The following ONECUT3 variants were observed in gnomAD, a reference collection of about 807,000 sequenced individuals.
ONECUT3 encodes the protein one cut homeobox 3.
In ONECUT3, 11 loss-of-function variants were observed where a neutral mutation model predicts 16.8. The observed-to-expected ratio is 0.66, with a 90% confidence interval of 0.41 to 1.09. The LOEUF is 1.09. ONECUT3 is among the 50% of genes least tolerant of loss of function. ONECUT3 has a pLI of 0.00. For synonymous variants in ONECUT3, 344 were observed against 310.7 expected (o/e 1.11, Z -1.13); for missense variants, 637 against 629.9 (o/e 1.01, Z -0.12).
In ONECUT3 at chr19:1,754,242, G is replaced by T; in HGVS notation, c.580G>T (p.Ala194Ser). The change falls in exon 1 of 2, where the codon GCC becomes TCC. Residue 194 changes from alanine (A) to serine (S), a missense_variant. Transcript: ENST00000382349. This position sits in a 1 kb window ranked among gnomAD's most constrained non-coding sequence, Gnocchi z 7.4. The stretch of plus-strand genomic sequence containing the variant: ...CGGACCCTACGGCAAGGAGCTGCCC[G>T]CCATGGGGTCGCCGCTGTCGCCGCT... ...LYGPYGKELPAMGSPLSPLPN... is the reference protein window; with the variant it reads ...LYGPYGKELPSMGSPLSPLPN... 2 of 1,074,690 alleles carry T rather than the reference G, an allele frequency of 1.9e-6. No individual in the cohort carries two copies. Among genetic ancestry groups the T allele is most frequent in the Non-Finnish European group, 2.3e-6 (2 of 888,840 alleles). The allele number at this position is 1,074,690 out of a possible 1,614,324, so 66.6% of individuals were successfully genotyped here.
rs1464104050 is a variant in ONECUT3 at position 1,755,369 on chromosome 19, A to G, written c.1192+515A>G. Among the ~76,000 whole-genome samples, 6 of 152,032 alleles carry G rather than the reference A, an allele frequency of 3.9e-5. 1 individual carries two copies. Among genetic ancestry groups the G allele is most frequent in the Admixed American group, 3.3e-4 (5 of 15,292 alleles). The stretch of plus-strand genomic sequence containing the variant: ...CGGCGGGCGCCTGCAGCTCAGCAGC[A>G]GAGGCCGAGCCCGCGCTCATCCCCC... On this transcript the variant is annotated intron_variant, in intron 1 of 1. Coordinates refer to ENST00000382349, the MANE Select transcript of ONECUT3 (RefSeq NM_001080488.2). The surrounding 1 kb of genome is among the most constrained non-coding windows in gnomAD (Gnocchi z 7.5).
At chr19:1,760,500 T>C (rs1335603287) in intron 1 of ONECUT3, among the ~76,000 whole-genome samples, 1 of 151,824 alleles carries the variant, frequency 6.6e-6, no homozygotes, top group African/African-American at 2.4e-5. Context: ...ACCGGCCAGT[T>C]CCACCTCCCC....
At chr19:1,757,185 T>G (rs967480611) in intron 1 of ONECUT3, among the ~76,000 whole-genome samples, 6 of 151,900 alleles carry the variant, frequency 3.9e-5, no homozygotes, top group Non-Finnish European at 8.8e-5. Context: ...GCACCCGCCC[T>G]GAGTGGACAC....
rs2067929663 is a variant in ONECUT3 at position 1,758,492 on chromosome 19, G to A, written c.1192+3638G>A. Among the ~76,000 whole-genome samples, 1 of 152,106 alleles carries A rather than the reference G, an allele frequency of 6.6e-6. No homozygotes were observed. The highest frequency in any genetic ancestry group is 1.5e-5 in the Non-Finnish European group (1 of 68,030). On this transcript the variant is annotated intron_variant, in intron 1 of 1. Coordinates refer to ENST00000382349, the MANE Select transcript of ONECUT3 (RefSeq NM_001080488.2). This position sits in a 1 kb window ranked among gnomAD's most constrained non-coding sequence, Gnocchi z 5.9. The stretch of plus-strand genomic sequence containing the variant: ...AAAGCACGCAAGAAATCCCACCGCA[G>A]ACCTCGGAGTCCCGGCCCCACTGCC...
Position 1,777,153 on chromosome 19 carries a change from G to GC in ONECUT3, c.*1709dup, listed in dbSNP as rs1230272840. 7 of 152,300 alleles carry GC rather than the reference G, an allele frequency of 4.6e-5. No homozygotes were observed. Among genetic ancestry groups the GC allele is most frequent in the African/African-American group, 1.7e-4 (7 of 41,450 alleles). The allele number at this position is 152,300 out of a possible 1,614,324, so 9.4% of individuals were successfully genotyped here. ...AGTGTTCTCTTGTCCTTATCGACTT[G>GC]CTCTGCTCCCAGCTTTCCAAGCGAC... is the stretch of plus-strand genomic sequence containing the variant. On this transcript the variant is annotated 3_prime_UTR_variant, in exon 2 of 2. Coordinates refer to ENST00000382349, the MANE Select transcript of ONECUT3 (RefSeq NM_001080488.2).
At position 1,775,774 on chromosome 19, in the gene ONECUT3, C is replaced by G; in HGVS notation, c.*329C>G. ...GAGGGCCTCGAGAAAAACCAGGGCT[C>G]ACTGTGTTGTCCCCTAAAGCGGGTC... On this transcript the variant is annotated 3_prime_UTR_variant, in exon 2 of 2. Transcript: ENST00000382349. 4.1e-6 allele frequency: 1 copy of G among 246,304 alleles called. No individual in the cohort carries two copies. Among genetic ancestry groups the G allele is most frequent in the Non-Finnish European group, 7.7e-6 (1 of 130,380 alleles). The allele number at this position is 246,304 out of a possible 1,614,324, so 15.3% of individuals were successfully genotyped here.
In ONECUT3 at chr19:1,766,328, G is replaced by A. The variant is rs982442966; in HGVS notation, c.1193-8825G>A. 2.6e-5 allele frequency among the ~76,000 whole-genome samples: 4 copies of A among 152,186 alleles called. No homozygotes were observed. The highest frequency in any genetic ancestry group is 2.9e-5 in the Non-Finnish European group (2 of 68,038). On this transcript the variant is annotated intron_variant, in intron 1 of 1. Transcript: ENST00000382349. This position sits in a 1 kb window ranked among gnomAD's most constrained non-coding sequence, Gnocchi z 4.0. ...CGCACGCGGCCAACGTCAGGCGCGC[G>A]CAGAGGCACCCACGGGCCCGCCTTC...
Position 1,778,802 on chromosome 19 carries a change from C to G in ONECUT3, c.*3357C>G, listed in dbSNP as rs571571813. The G allele has an allele frequency of 6.6e-6, 1 of 151,620 alleles. No individual in the cohort carries two copies. The highest frequency in any genetic ancestry group is 2.1e-4 in the South Asian group (1 of 4,822). 9.4% of individuals were successfully genotyped at this position (151,620 alleles called of 1,614,324 possible). ...GCCTGGGCAACACAGCAAGACCCCACTTCTACAAAAAAAAATAAATAAAGT... is the reference window on the plus strand; with the variant it reads ...GCCTGGGCAACACAGCAAGACCCCAGTTCTACAAAAAAAAATAAATAAAGT... On this transcript the variant is annotated 3_prime_UTR_variant, in exon 2 of 2. Coordinates refer to ENST00000382349, the MANE Select transcript of ONECUT3 (RefSeq NM_001080488.2).
Position 1,775,467 on chromosome 19 carries a change from C to G in ONECUT3, c.*22C>G. On this transcript the variant is annotated 3_prime_UTR_variant, in exon 2 of 2. Transcript: ENST00000382349. ...CTGAGGCGCCCCGGCCCCGCGCCCT[C>G]CCTGCCTCCACGGCCTGGGCGCTGT... The G allele has an allele frequency of 6.9e-7, 1 of 1,443,722 alleles. No homozygotes were observed. Among genetic ancestry groups the G allele is most frequent in the Non-Finnish European group, 9.0e-7 (1 of 1,106,082 alleles). The allele number at this position is 1,443,722 out of a possible 1,614,324, so 89.4% of individuals were successfully genotyped here.
intron 1 of ONECUT3, among the ~76,000 whole-genome samples, chr19:1,757,071 G>A (rs1170361687): frequency 6.6e-6 from 1 of 151,288 alleles, no homozygotes; most frequent in Non-Finnish European, 1.5e-5. Context: ...GCAGATTTGG[G>A]GGCCACAGAA....
intron 1 of ONECUT3, among the ~76,000 whole-genome samples, chr19:1,756,081 C>A (rs1045829033): frequency 2.0e-5 from 3 of 152,142 alleles, no homozygotes; most frequent in Non-Finnish European, 2.9e-5. Context: ...GAGGGGCTTG[C>A]GGCTGTGCCC....
At chr19:1,772,994 C>T (rs1021890573) in intron 1 of ONECUT3, among the ~76,000 whole-genome samples, 3 of 151,960 alleles carry the variant, frequency 2.0e-5, no homozygotes, top group Admixed American at 1.3e-4. Context: ...TGAGCCACCG[C>T]GCCCGGCCAA....
intron 1 of ONECUT3, among the ~76,000 whole-genome samples, chr19:1,767,966 C>A (rs1040274849): frequency 1.3e-5 from 2 of 152,130 alleles, no homozygotes; most frequent in African/African-American, 4.8e-5. Flanking sequence ...TCCAAAAAGA[C>A]TGATAACCGT....
intron 1 of ONECUT3, among the ~76,000 whole-genome samples, chr19:1,770,982 AATTAAC>A (rs1389442610): frequency 6.6e-6 from 1 of 152,192 alleles, no homozygotes; most frequent in East Asian, 1.9e-4. Flanking sequence ...AACATTTAGT[AATTAAC>A]ATTATTACGC....
At position 1,754,834 on chromosome 19, in the gene ONECUT3, T is replaced by C. The variant is rs759425323; in HGVS notation, c.1172T>C (p.Met391Thr). ...CTGCAGGAGCCAGAGTTCCAGCGCATGTCGGCGCTGCGCTTGGCAGGTAGG... is the reference window on the plus strand; with the variant it reads ...CTGCAGGAGCCAGAGTTCCAGCGCACGTCGGCGCTGCGCTTGGCAGGTAGG... ...KWLQEPEFQR[M>T]SALRLAACKR... The change falls in exon 1 of 2, where the codon ATG becomes ACG. Residue 391 changes from methionine (M) to threonine (T), a missense_variant. This residue lies in a region of ONECUT3 where 183 missense variants were observed against 188.3 expected (regional missense o/e 0.97). Coordinates refer to ENST00000382349, the MANE Select transcript of ONECUT3 (RefSeq NM_001080488.2). The surrounding 1 kb of genome is among the most constrained non-coding windows in gnomAD (Gnocchi z 7.4). 10 of 1,523,316 alleles carry C rather than the reference T, an allele frequency of 6.6e-6. No individual in the cohort carries two copies. In the South Asian group the frequency reaches 9.9e-5, roughly 15 times the overall value. 94.4% of individuals were successfully genotyped at this position (1,523,316 alleles called of 1,614,324 possible).
At position 1,768,971 on chromosome 19, in the gene ONECUT3, A is replaced by C. The variant is rs1481858450; in HGVS notation, c.1193-6182A>C. On this transcript the variant is annotated intron_variant, in intron 1 of 1. Transcript: ENST00000382349. ...GGTAGAGGTGCTGGAGGTGGAGGTAATGGAGGTGGAAGTGGAGGTGGAGGT... is the reference window on the plus strand; with the variant it reads ...GGTAGAGGTGCTGGAGGTGGAGGTACTGGAGGTGGAAGTGGAGGTGGAGGT... Among the ~76,000 whole-genome samples, 3 of 108,320 alleles carry C rather than the reference A, an allele frequency of 2.8e-5. No individual in the cohort carries two copies. In the Admixed American group the frequency reaches 2.8e-4, roughly 10 times the overall value. 71.1% of individuals were successfully genotyped at this position (108,320 alleles called of 152,430 possible). A position where few individuals can be genotyped will look rare whatever the true frequency, so the allele number is the denominator to read the frequency against.
chr19:1,754,338 GC>G lies in ONECUT3; in HGVS notation c.678del (p.Ala227ProfsTer108). 9.4e-7 allele frequency: 1 copy of G among 1,065,394 alleles called. No homozygotes were observed. The highest frequency in any genetic ancestry group is 1.1e-6 in the Non-Finnish European group (1 of 883,628). 66.0% of individuals were successfully genotyped at this position (1,065,394 alleles called of 1,614,324 possible). On this transcript the variant is annotated frameshift_variant, in exon 1 of 2. Coordinates refer to ENST00000382349, the MANE Select transcript of ONECUT3 (RefSeq NM_001080488.2). LOFTEE classifies it high-confidence loss of function. The surrounding 1 kb of genome is among the most constrained non-coding windows in gnomAD (Gnocchi z 7.4). ...PPPPPPPPPL[A>X]AYGPPGHLAG... ...GCCGCCGCCACCACCCCCGCCGCTGGCCGCCTACGGCCCGCCAGGCCACCTG... is the reference window on the plus strand; with the variant it reads ...GCCGCCGCCACCACCCCCGCCGCTGGCGCCTACGGCCCGCCAGGCCACCTG...
In ONECUT3 at chr19:1,756,201, C is replaced by T. The variant is rs532949009; in HGVS notation, c.1192+1347C>T. Among the ~76,000 whole-genome samples the T allele has an allele frequency of 2.0e-5, 3 of 152,190 alleles. No homozygotes were observed. The South Asian group carries it at 6.2e-4, about 31-fold the overall frequency. Reference sequence around the variant, plus strand: ...CTCCCTCCACCCCAGGAGGACCAGACAACCCCCTGGGAGCCTGGACCCACA... The same window carrying T: ...CTCCCTCCACCCCAGGAGGACCAGATAACCCCCTGGGAGCCTGGACCCACA... On this transcript the variant is annotated intron_variant, in intron 1 of 1. Transcript: ENST00000382349.
rs2067931922 is a variant in ONECUT3 at position 1,758,861 on chromosome 19, C to T, written c.1192+4007C>T. 6.6e-6 allele frequency among the ~76,000 whole-genome samples: 1 copy of T among 152,158 alleles called. No individual in the cohort carries two copies. Among genetic ancestry groups the T allele is most frequent in the South Asian group, 2.1e-4 (1 of 4,828 alleles). ...ATCACCGTCGCCGGGTCGATAGCTTCGGCCGTCTTCAAATATTGTTTAAAT... is the reference window on the plus strand; with the variant it reads ...ATCACCGTCGCCGGGTCGATAGCTTTGGCCGTCTTCAAATATTGTTTAAAT... On this transcript the variant is annotated intron_variant, in intron 1 of 1. Transcript: ENST00000382349. The surrounding 1 kb of genome is among the most constrained non-coding windows in gnomAD (Gnocchi z 5.9).
Sources: gnomAD v4.1 joint callset for allele counts (sites outside exome capture counted in the v4.1 genomes callset) on GRCh38, gnomAD v4.1.1 for gene constraint, gnomAD v4.1.1 regional missense constraint, Gnocchi (gnomAD v3.1) non-coding constraint, MANE v1.5 for transcripts, NCBI Gene and HGNC (gene_info 2026-07-23, HGNC 2026-07-21) for gene names.